ZNF521: variants seen among roughly 807,000 people sequenced by gnomAD.
ZNF521 encodes zinc finger protein 521, also known as LYST-interacting protein 3.
Under a neutral mutation model 105.5 loss-of-function variants are expected in ZNF521, and 14 were observed. The observed-to-expected ratio is 0.13, with a 90% CI of 0.09 to 0.21. ZNF521 has a LOEUF of 0.21. Among genes scored for constraint, ZNF521 ranks in the 10% least tolerant of loss-of-function variants. The pLI is 1.00. For synonymous variants in ZNF521, 635 were observed against 606.0 expected (o/e 1.05, Z -0.70); for missense variants, 1,233 against 1,629.7 (o/e 0.76, Z 4.19).
intron 3 of ZNF521, among the ~76,000 whole-genome samples, chr18:25,279,081 C>A (rs1910210681): frequency 6.6e-6 from 1 of 152,138 alleles, no homozygotes; most frequent in South Asian, 2.1e-4. Context: ...CATAATCTGT[C>A]ATGCCACCCA....
intron 4 of ZNF521, among the ~76,000 whole-genome samples, chr18:25,210,420 T>A (rs1389979201): frequency 6.6e-6 from 1 of 152,166 alleles, no homozygotes; most frequent in Non-Finnish European, 1.5e-5. Flanking sequence ...TAACAAAAAA[T>A]TTACAGACTC....
chr18:25,224,541 G>T lies in ZNF521; in HGVS notation c.3377C>A (p.Ala1126Asp). ...PGLGQNENLS[A>D]IEGKGKVGGL... ...CCCCACCTTGCCTTTCCCCTCAATGGCACTCAGATTCTCATTCTGGCCCAA... is the reference window on the plus strand; with the variant it reads ...CCCCACCTTGCCTTTCCCCTCAATGTCACTCAGATTCTCATTCTGGCCCAA... Residue 1126 changes from alanine (A) to aspartate (D), a missense_variant, in exon 4 of 8, where the codon GCC (alanine) becomes GAC (aspartate). Transcript: ENST00000361524. 8.7e-6 allele frequency: 14 copies of T among 1,613,926 alleles called. No individual in the cohort carries two copies. The highest frequency in any genetic ancestry group is 1.2e-5 in the Non-Finnish European group (14 of 1,179,970).
intron 3 of ZNF521, among the ~76,000 whole-genome samples, chr18:25,292,744 A>C (rs1911108662): frequency 6.6e-6 from 1 of 152,202 alleles, no homozygotes; most frequent in African/African-American, 2.4e-5. Context: ...CTACAACTTT[A>C]CTGGACTGCA....
intron 4 of ZNF521, among the ~76,000 whole-genome samples, chr18:25,199,868 GT>G (rs1200439203): frequency 1.3e-5 from 2 of 151,686 alleles, no homozygotes; most frequent in Non-Finnish European, 2.9e-5. Flanking sequence ...TTTTGTTTTT[GT>G]TTTTTACATA....
intron 5 of ZNF521, among the ~76,000 whole-genome samples, chr18:25,133,058 A>G (rs541531202): frequency 1.3e-5 from 2 of 152,306 alleles, no homozygotes; most frequent in South Asian, 4.1e-4. Context: ...CCGCTTAGTC[A>G]GTGATATCAC....
chr18:25,116,903 G>A (rs1205316513), intron 5 of ZNF521, among the ~76,000 whole-genome samples: 2 of 134,052 alleles, frequency 1.5e-5, no homozygotes, highest in South Asian at 2.3e-4. Flanking sequence ...ATATATATGT[G>A]TATATATACG....
chr18:25,096,313 T>C (rs375152240), intron 5 of ZNF521, among the ~76,000 whole-genome samples: 211 of 152,320 alleles, frequency 1.4e-3, no homozygotes, highest in African/African-American at 4.9e-3. Context: ...CATCTGCTTG[T>C]CTAAAGCCAG....
chr18:25,300,302 A>C (rs942149102), intron 3 of ZNF521, among the ~76,000 whole-genome samples: 3 of 152,232 alleles, frequency 2.0e-5, no homozygotes, highest in African/African-American at 7.2e-5. Flanking sequence ...AAAAGCAATA[A>C]AAGTAATAAA....
intron 4 of ZNF521, among the ~76,000 whole-genome samples, chr18:25,216,522 T>C (rs940628423): frequency 3.9e-5 from 6 of 152,194 alleles, no homozygotes; most frequent in Admixed American, 2.0e-4. Context: ...TTATGATAAG[T>C]TGATGGGCAT....
At chr18:25,190,499 A>G (rs2035799969) in intron 5 of ZNF521, among the ~76,000 whole-genome samples, 1 of 152,194 alleles carries the variant, frequency 6.6e-6, no homozygotes, top group Non-Finnish European at 1.5e-5. Flanking sequence ...ATATTTGGAT[A>G]TTTTCCCTTA....
chr18:25,109,883 C>T (rs1037716984), intron 5 of ZNF521, among the ~76,000 whole-genome samples: 1 of 152,148 alleles, frequency 6.6e-6, no homozygotes. Context: ...CAAACATTTT[C>T]TCCCATTCTG....
intron 5 of ZNF521, among the ~76,000 whole-genome samples, chr18:25,169,699 A>G (rs964322565): frequency 2.0e-4 from 30 of 152,166 alleles, no homozygotes; most frequent in African/African-American, 6.8e-4. Flanking sequence ...TTGAAGAGCA[A>G]TTGTCCTGAA....
At chr18:25,265,121 A>T (rs1909158460) in intron 3 of ZNF521, among the ~76,000 whole-genome samples, 2 of 152,304 alleles carry the variant, frequency 1.3e-5, no homozygotes, top group East Asian at 1.9e-4. Context: ...ATACATTTTT[A>T]AAAATATTAA....
chr18:25,082,858 A>G (rs1410151821), intron 7 of ZNF521: 2 of 179,666 alleles, frequency 1.1e-5, no homozygotes, highest in Non-Finnish European at 2.4e-5. Flanking sequence ...AAAAAAAAAA[A>G]AAAAAAAAAA....
chr18:25,111,738 G>A (rs1186590445), intron 5 of ZNF521, among the ~76,000 whole-genome samples: 1 of 152,170 alleles, frequency 6.6e-6, no homozygotes, highest in East Asian at 1.9e-4. Context: ...GCACAGGCTC[G>A]AGTCTTCTCA....
At chr18:25,341,779 T>A (rs1223040928) in intron 2 of ZNF521, among the ~76,000 whole-genome samples, 1 of 152,170 alleles carries the variant, frequency 6.6e-6, no homozygotes, top group Non-Finnish European at 1.5e-5. Context: ...CCTGCAGAGC[T>A]TTCTTCCAAA....
chr18:25,109,327 G>A lies in ZNF521; in HGVS notation c.3659-17246C>T, dbSNP rs1178140022. Among the ~76,000 whole-genome samples, 5 of 152,266 alleles carry A rather than the reference G, an allele frequency of 3.3e-5. No homozygotes were observed. The East Asian group carries it at 7.7e-4, about 24-fold the overall frequency. On this transcript the variant is annotated intron_variant, in intron 5 of 7. Coordinates refer to ENST00000361524, the MANE Select transcript of ZNF521 (RefSeq NM_015461.3). ...CTGCATAGTATTCCATGGTATAAATGTACTTCATTTTCTTTATCCAATCAT... is the reference window on the plus strand; with the variant it reads ...CTGCATAGTATTCCATGGTATAAATATACTTCATTTTCTTTATCCAATCAT...
At chr18:25,162,815 C>A (rs536066892) in intron 5 of ZNF521, among the ~76,000 whole-genome samples, 1 of 151,826 alleles carries the variant, frequency 6.6e-6, no homozygotes, top group African/African-American at 2.4e-5. Flanking sequence ...AAGACACTTA[C>A]AATTTAAGCA....
intron 5 of ZNF521, among the ~76,000 whole-genome samples, chr18:25,172,029 G>T (rs76271446): frequency 1.3e-5 from 2 of 151,908 alleles, no homozygotes; most frequent in Admixed American, 6.5e-5. Flanking sequence ...TTCTCTTTTG[G>T]GGGGGAAGAG....
Sources: allele counts gnomAD v4.1 joint callset (sites outside exome capture counted in the v4.1 genomes callset), GRCh38; gene constraint gnomAD v4.1.1; transcripts MANE v1.5; gene names NCBI Gene and HGNC (gene_info 2026-07-23, HGNC 2026-07-21).